Variants in DSCAML1 observed in about 807,000 individuals in gnomAD.
The protein encoded by DSCAML1 is DS cell adhesion molecule like 1.
A neutral mutation model predicts 200.5 loss-of-function variants in DSCAML1; 38 were observed. That is an observed-to-expected ratio of 0.19 (90% CI 0.15 to 0.25). DSCAML1 has a LOEUF of 0.25. DSCAML1 is among the 10% of genes least tolerant of loss of function. The probability of loss-of-function intolerance (pLI) is 1.00; values close to 1 mark genes in which losing one functional copy is unlikely to be tolerated. For synonymous variants in DSCAML1, 1,215 were observed against 1,165.0 expected (o/e 1.04, Z -0.87); for missense variants, 2,223 against 2,858.8 (o/e 0.78, Z 5.07).
At chr11:117,793,864 C>G (rs528372519) in intron 1 of DSCAML1, among the ~76,000 whole-genome samples, 1 of 152,134 alleles carries the variant, frequency 6.6e-6, no homozygotes, top group Non-Finnish European at 1.5e-5. Context: ...AAAAACGAAG[C>G]GTCGGAAAGG....
intron 3 of DSCAML1, among the ~76,000 whole-genome samples, chr11:117,673,817 G>A (rs2053158556): frequency 6.6e-6 from 1 of 152,124 alleles, no homozygotes; most frequent in Non-Finnish European, 1.5e-5. Flanking sequence ...ACTTCATTCC[G>A]GACAGCTGCC....
At chr11:117,487,947 G>A (rs940324823) in intron 11 of DSCAML1, among the ~76,000 whole-genome samples, 1 of 152,214 alleles carries the variant, frequency 6.6e-6, no homozygotes, top group African/African-American at 2.4e-5. Flanking sequence ...GCCTGGATCT[G>A]GGCCCCTTGT....
intron 3 of DSCAML1, among the ~76,000 whole-genome samples, chr11:117,533,693 G>T (rs1460129837): frequency 6.6e-6 from 1 of 152,036 alleles, no homozygotes; most frequent in Non-Finnish European, 1.5e-5. Context: ...TGCCACACAA[G>T]ACCCCCCACT....
intron 3 of DSCAML1, among the ~76,000 whole-genome samples, chr11:117,553,678 C>T (rs944009959): frequency 6.6e-6 from 1 of 152,190 alleles, no homozygotes; most frequent in Non-Finnish European, 1.5e-5. Flanking sequence ...AATCCTCGTG[C>T]ACTGATGGTG....
At chr11:117,512,760 ATCACAC>A (rs1238120348) in intron 8 of DSCAML1, among the ~76,000 whole-genome samples, 28 of 60,744 alleles carry the variant, frequency 4.6e-4, no homozygotes, top group African/African-American at 1.6e-3. Context: ...GTCCTCTAGG[ATCACAC>A]ACACACACAC....
In DSCAML1 at chr11:117,694,058, TATATATATATATATATATATACAC is replaced by T. The variant is rs1435672012; in HGVS notation, c.511+82709_511+82732del. ...CTCTGTCATTTTTAGGTTCTATCTTTATATATATATATATATATATACACATATATATATATTTTTTAAATTGAG... is the reference window on the plus strand; with the variant it reads ...CTCTGTCATTTTTAGGTTCTATCTTTATATATATATATTTTTTAAATTGAG... On this transcript the variant is annotated intron_variant, in intron 3 of 32. Transcript: ENST00000651296. Among the ~76,000 whole-genome samples the T allele has an allele frequency of 9.2e-3, 487 of 52,792 alleles. 20 individuals are homozygous for T. Among genetic ancestry groups the T allele is most frequent in the Non-Finnish European group, 2.1e-3 (50 of 23,784 alleles). The allele number at this position is 52,792 out of a possible 152,430, so 34.6% of individuals were successfully genotyped here. A position where few individuals can be genotyped will look rare whatever the true frequency, so the allele number is the denominator to read the frequency against.
At chr11:117,817,047 G>T (rs2055816633) in intron 1 of DSCAML1, among the ~76,000 whole-genome samples, 1 of 152,236 alleles carries the variant, frequency 6.6e-6, no homozygotes, top group African/African-American at 2.4e-5. Flanking sequence ...CTCAGAGGCT[G>T]GATGGGTTTG....
At chr11:117,591,843 C>G (rs2051265224) in intron 3 of DSCAML1, among the ~76,000 whole-genome samples, 1 of 152,146 alleles carries the variant, frequency 6.6e-6, no homozygotes, top group African/African-American at 2.4e-5. Context: ...CTCTCTGTCC[C>G]CAGGTGCATC....
At chr11:117,506,154 G>A (rs889170397) in intron 8 of DSCAML1, among the ~76,000 whole-genome samples, 13 of 152,288 alleles carry the variant, frequency 8.5e-5, no homozygotes, top group African/African-American at 2.9e-4. Context: ...GAGGGGAAGC[G>A]TGGTGCTGGG....
chr11:117,431,177 G>T, intron 31 of DSCAML1, 144 bp from the exon 32 acceptor site: 1 of 768,478 alleles, frequency 1.3e-6, no homozygotes. Flanking sequence ...CCGTGAAGGT[G>T]GCAGTGGTGG....
In DSCAML1 at chr11:117,428,478, C is replaced by A; in HGVS notation, c.6012G>T (p.Pro2004=). ...EPPTAPSAAP[P]APSTEPPRAG... ...CTCGTGGAGGCTCGGTGCTGGGGGC[C>A]GGAGGGGCAGCGCTGGGGGCGGTGG... The change falls in exon 33 of 33, where the codon CCG becomes CCT. Residue 2004 remains proline (P), a synonymous_variant. Transcript: ENST00000651296. The A allele has an allele frequency of 7.0e-7, 1 of 1,437,278 alleles. No individual in the cohort carries two copies. The highest frequency in any genetic ancestry group is 9.3e-7 in the Non-Finnish European group (1 of 1,075,854). The allele number at this position is 1,437,278 out of a possible 1,614,324, so 89.0% of individuals were successfully genotyped here. A position where few individuals can be genotyped will look rare whatever the true frequency, so the allele number is the denominator to read the frequency against.
rs746285466 is a variant in DSCAML1 at position 117,769,539 on chromosome 11, T to TAA, written c.511+7251_511+7252insTT. On this transcript the variant is annotated intron_variant, in intron 3 of 32. Coordinates refer to ENST00000651296, the MANE Select transcript of DSCAML1 (RefSeq NM_020693.4). ...ATATATTATATATATTTTATATATA[T>TAA]TATATATTTTATATATATATTTTAT... Among the ~76,000 whole-genome samples the TAA allele has an allele frequency of 4.7e-3, 328 of 69,982 alleles. 22 individuals are homozygous for TAA. Among genetic ancestry groups the TAA allele is most frequent in the Non-Finnish European group, 6.2e-3 (257 of 41,684 alleles). 45.9% of individuals were successfully genotyped at this position (69,982 alleles called of 152,430 possible).
At chr11:117,501,415 C>T (rs1158658062) in intron 11 of DSCAML1, among the ~76,000 whole-genome samples, 1 of 152,138 alleles carries the variant, frequency 6.6e-6, no homozygotes, top group African/African-American at 2.4e-5. Flanking sequence ...TGCAGATTCA[C>T]GCAGGCTGCT....
At chr11:117,533,536 C>A (rs1194811498) in intron 3 of DSCAML1, among the ~76,000 whole-genome samples, 1 of 152,198 alleles carries the variant, frequency 6.6e-6, no homozygotes, top group Non-Finnish European at 1.5e-5. Flanking sequence ...TCAAACAGTT[C>A]TCAAACACCC....
intron 3 of DSCAML1, among the ~76,000 whole-genome samples, chr11:117,671,771 G>A (rs539683666): frequency 1.2e-4 from 18 of 152,130 alleles, no homozygotes; most frequent in Admixed American, 1.3e-4. Flanking sequence ...CAGAGTGGGC[G>A]GGGGAGAAGG....
rs1425901849 is a variant in DSCAML1, at chr11:117,439,815, A to G, written c.3980+4T>C. ...CCCCATCCCTCCACTGTCCCGACAC[A>G]CACCTGTCCTTGGTCCACTTCACAG... On this transcript the variant is annotated splice_donor_region_variant and intron_variant, in intron 22 of 32. Transcript: ENST00000651296. 3 of 1,613,030 alleles carry G rather than the reference A, an allele frequency of 1.9e-6. No individual in the cohort carries two copies. Among genetic ancestry groups the G allele is most frequent in the Admixed American group, 1.7e-5 (1 of 59,994 alleles).
At chr11:117,444,640 T>C (rs2048140493) in intron 20 of DSCAML1, among the ~76,000 whole-genome samples, 1 of 152,192 alleles carries the variant, frequency 6.6e-6, no homozygotes, top group Non-Finnish European at 1.5e-5. Flanking sequence ...ACCATATATA[T>C]TTGTAGGTTA....
At chr11:117,596,942 G>A (rs529186329) in intron 3 of DSCAML1, among the ~76,000 whole-genome samples, 6 of 152,306 alleles carry the variant, frequency 3.9e-5, no homozygotes, top group South Asian at 2.1e-4. Flanking sequence ...AGGTTTGTCC[G>A]TTCCTGAATT....
At chr11:117,534,409 A>G (rs2050130867) in intron 3 of DSCAML1, among the ~76,000 whole-genome samples, 1 of 152,094 alleles carries the variant, frequency 6.6e-6, no homozygotes, top group African/African-American at 2.4e-5. Flanking sequence ...TCAGCAGCCC[A>G]TTCCAAAGTT....
Sources: gnomAD v4.1 joint callset for allele counts (sites outside exome capture counted in the v4.1 genomes callset) on GRCh38, gnomAD v4.1.1 for gene constraint, MANE v1.5 for transcripts, NCBI Gene and HGNC (gene_info 2026-07-23, HGNC 2026-07-21) for gene names.